The following CLYBL variants were observed in gnomAD, a reference collection of about 807,000 sequenced individuals.
CLYBL encodes citramalyl-CoA lyase.
A neutral mutation model predicts 38.9 loss-of-function variants in CLYBL; 31 were observed. The ratio of observed to expected loss-of-function variants is 0.80; its 90% confidence interval spans 0.60 to 1.08. The LOEUF (loss-of-function observed/expected upper bound fraction) is 1.08. Ranked by LOEUF, CLYBL falls within the 50% of genes least tolerant of loss-of-function variation. The pLI is 0.00. For synonymous variants in CLYBL, 171 were observed against 158.6 expected (o/e 1.08, Z -0.59); for missense variants, 434 against 411.6 (o/e 1.05, Z -0.47).
chr13:99,853,828 A>G (rs2051390697), intron 2 of CLYBL, among the ~76,000 whole-genome samples: 1 of 152,224 alleles, frequency 6.6e-6, no homozygotes, highest in African/African-American at 2.4e-5. Context: ...AATAGAATAA[A>G]TTCGTTCCGT....
chr13:99,670,769 A>T (rs184023044), intron 1 of CLYBL, among the ~76,000 whole-genome samples: 1 of 152,114 alleles, frequency 6.6e-6, no homozygotes, highest in South Asian at 2.1e-4. Flanking sequence ...CCCTCCACCC[A>T]TGGGAGGTCT....
intron 2 of CLYBL, among the ~76,000 whole-genome samples, chr13:99,851,462 A>G (rs569874226): frequency 6.6e-6 from 1 of 151,774 alleles, no homozygotes; most frequent in East Asian, 1.9e-4. Flanking sequence ...TTTAAAGAAG[A>G]TTTAAAAGGA....
At chr13:99,668,935 G>C (rs1284146568) in intron 1 of CLYBL, among the ~76,000 whole-genome samples, 1 of 152,118 alleles carries the variant, frequency 6.6e-6, no homozygotes, top group East Asian at 1.9e-4. Flanking sequence ...AGCTGGTTCA[G>C]CGGGGAGAAG....
chr13:99,871,029 T>C lies in CLYBL; in HGVS notation c.894T>C (p.Ile298=). 2 of 1,614,078 alleles carry C rather than the reference T, an allele frequency of 1.2e-6. No individual in the cohort carries two copies. The highest frequency in any genetic ancestry group is 8.5e-7 in the Non-Finnish European group (1 of 1,179,934). ...AAATTAAGTGGGCTGAAGAACTGATTGCTGCCTTTAAAGAACATCAACAAT... is the reference window on the plus strand; with the variant it reads ...AAATTAAGTGGGCTGAAGAACTGATCGCTGCCTTTAAAGAACATCAACAAT... ...PEKIKWAEEL[I]AAFKEHQQLG... The change falls in exon 7 of 9, where the codon ATT becomes ATC. Residue 298 remains isoleucine, a synonymous_variant. Coordinates refer to ENST00000339105, the MANE Select transcript of CLYBL (RefSeq NM_206808.5).
intron 1 of CLYBL, among the ~76,000 whole-genome samples, chr13:99,729,921 A>ATTGCTGGTGC (rs979015496): frequency 1.5e-4 from 22 of 151,670 alleles, no homozygotes. Flanking sequence ...CTGTGTCAGC[A>ATTGCTGGTGC]TTGCTGGTGC....
intron 1 of CLYBL, among the ~76,000 whole-genome samples, chr13:99,631,488 A>G (rs2046944731): frequency 6.6e-6 from 1 of 152,154 alleles, no homozygotes; most frequent in Non-Finnish European, 1.5e-5. Flanking sequence ...AGGGATAGTC[A>G]TACCATAGTA....
intron 2 of CLYBL, among the ~76,000 whole-genome samples, chr13:99,775,583 A>C (rs1400251935): frequency 6.6e-6 from 1 of 151,930 alleles, no homozygotes; most frequent in African/African-American, 2.4e-5. Flanking sequence ...ATCATAGCTC[A>C]CTGCAGCCTC....
In CLYBL at chr13:99,674,142, C is replaced by CTTTTTTT. The variant is rs1167068936; in HGVS notation, c.62+67406_62+67412dup. On this transcript the variant is annotated intron_variant, in intron 1 of 8. Transcript: ENST00000339105. ...TCGTTTTTTTTTAGCTACTAGAATT[C>CTTTTTTT]TTTTTTTTTTTTTTTTTTTTTTTTT... Among the ~76,000 whole-genome samples the CTTTTTTT allele has an allele frequency of 3.1e-4, 16 of 51,148 alleles. 3 individuals carry two copies. The highest frequency in any genetic ancestry group is 1.3e-3 in the African/African-American group (15 of 11,416). The allele number at this position is 51,148 out of a possible 152,430, so 33.6% of individuals were successfully genotyped here. A position where few individuals can be genotyped will look rare whatever the true frequency, so the allele number is the denominator to read the frequency against.
At chr13:99,691,442 T>A (rs1399283322) in intron 1 of CLYBL, among the ~76,000 whole-genome samples, 1 of 152,142 alleles carries the variant, frequency 6.6e-6, no homozygotes, top group Non-Finnish European at 1.5e-5. Flanking sequence ...ATTATCTCTC[T>A]GTTGGTGCTC....
intron 2 of CLYBL, among the ~76,000 whole-genome samples, chr13:99,829,887 A>C (rs1211608042): frequency 6.6e-6 from 1 of 152,124 alleles, no homozygotes; most frequent in Non-Finnish European, 1.5e-5. Context: ...CATAGCACAC[A>C]CTCAGGAAAT....
chr13:99,780,172 A>G (rs1443193197), intron 2 of CLYBL, among the ~76,000 whole-genome samples: 1 of 152,116 alleles, frequency 6.6e-6, no homozygotes, highest in Non-Finnish European at 1.5e-5. Flanking sequence ...ATATTGATTC[A>G]TCTATTTCTA....
intron 1 of CLYBL, among the ~76,000 whole-genome samples, chr13:99,697,508 C>T (rs1396494379): frequency 6.6e-6 from 1 of 152,090 alleles, no homozygotes; most frequent in Non-Finnish European, 1.5e-5. Flanking sequence ...GCTGGGATTA[C>T]AGGCACGTGC....
intron 4 of CLYBL, among the ~76,000 whole-genome samples, chr13:99,863,455 TTCTTTTCTATCAAATG>T (rs71702116): frequency 0.2 from 30,412 of 152,204 alleles, 3,568 homozygotes; most frequent in East Asian, 0.47. Flanking sequence ...CTTTGAAATG[TTCTTTTCTATCAAATG>T]TCTTTTCAGT....
intron 1 of CLYBL, among the ~76,000 whole-genome samples, chr13:99,614,447 T>G (rs1442759586): frequency 6.6e-6 from 1 of 152,060 alleles, no homozygotes; most frequent in Non-Finnish European, 1.5e-5. Flanking sequence ...GGCTGGACAG[T>G]GGAATTTGTG....
At chr13:99,857,044 G>A (rs576991233) in intron 2 of CLYBL, among the ~76,000 whole-genome samples, 1 of 151,886 alleles carries the variant, frequency 6.6e-6, no homozygotes, top group Non-Finnish European at 1.5e-5. Context: ...GCCGGGCACC[G>A]TGGCTCACAC....
Position 99,782,164 on chromosome 13 carries a change from A to G in CLYBL, c.249+9154A>G, listed in dbSNP as rs146857400. Among the ~76,000 whole-genome samples the G allele has an allele frequency of 5.9e-5, 9 of 152,142 alleles. No individual in the cohort carries two copies. In the East Asian group the frequency reaches 1.7e-3, roughly 29 times the overall value. On this transcript the variant is annotated intron_variant, in intron 2 of 8. Transcript: ENST00000339105. ...CAGGTGCAACTTTCAGAATTTCCCT[A>G]TAGCGAAAGTTGGTTGATCATAAAG...
At chr13:99,645,295 G>C (rs978725442) in intron 1 of CLYBL, among the ~76,000 whole-genome samples, 2 of 152,104 alleles carry the variant, frequency 1.3e-5, no homozygotes, top group Non-Finnish European at 2.9e-5. Flanking sequence ...AGGAGATCGA[G>C]ACCATCCTGG....
At chr13:99,832,538 G>A (rs1804553570) in intron 2 of CLYBL, among the ~76,000 whole-genome samples, 1 of 152,192 alleles carries the variant, frequency 6.6e-6, no homozygotes, top group African/African-American at 2.4e-5. Context: ...TAGACTGGGT[G>A]TGGGGTTGAA....
rs111791785 is a variant in CLYBL at position 99,770,080 on chromosome 13, C to T, written c.63-2744C>T. On this transcript the variant is annotated intron_variant, in intron 1 of 8. Coordinates refer to ENST00000339105, the MANE Select transcript of CLYBL (RefSeq NM_206808.5). ...ACTTTTCTTTCTTTTTCTTTTCTTT[C>T]TTTTTTTTTTTTTTTTTGAGATGGA... is the stretch of plus-strand genomic sequence containing the variant. Among the ~76,000 whole-genome samples the T allele has an allele frequency of 1.0e-2, 1,026 of 103,000 alleles. 35 individuals carry two copies. Among genetic ancestry groups the T allele is most frequent in the Middle Eastern group, 0.016 (3 of 182 alleles). 67.6% of individuals were successfully genotyped at this position (103,000 alleles called of 152,430 possible).
Sources: allele counts gnomAD v4.1 joint callset (sites outside exome capture counted in the v4.1 genomes callset), GRCh38; gene constraint gnomAD v4.1.1; transcripts MANE v1.5; gene names NCBI Gene and HGNC (gene_info 2026-07-23, HGNC 2026-07-21).